Variants in CXCL13 observed in about 807,000 individuals in gnomAD.
The protein encoded by CXCL13 is C-X-C motif chemokine 13.
A neutral mutation model predicts 12.2 loss-of-function variants in CXCL13; 7 were observed. That is an observed-to-expected ratio of 0.57 (90% CI 0.33 to 1.07). The LOEUF (loss-of-function observed/expected upper bound fraction) is 1.07, where lower values mean the gene tolerates loss of function less well. Among genes scored for constraint, CXCL13 ranks in the 50% least tolerant of loss-of-function variants. The probability of loss-of-function intolerance (pLI) is 0.04; values close to 1 mark genes in which losing one functional copy is unlikely to be tolerated. For synonymous variants in CXCL13, 47 were observed against 42.4 expected, an observed-to-expected ratio of 1.11 and a Z score of -0.42; for missense variants, 113 against 127.4, an observed-to-expected ratio of 0.89 and a Z score of 0.55.
At chr4:77,534,869 C>A (rs952782501) in intron 1 of CXCL13, among the ~76,000 whole-genome samples, 2 of 152,186 alleles carry the variant, frequency 1.3e-5, no homozygotes, top group Non-Finnish European at 2.9e-5. Context: ...TTTGTGGAAC[C>A]TTTGTTTTGG....
At chr4:77,573,372 G>T (rs1385470659) in intron 1 of CXCL13, among the ~76,000 whole-genome samples, 6 of 128,788 alleles carry the variant, frequency 4.7e-5, no homozygotes, top group Admixed American at 7.3e-5. Flanking sequence ...TTGTGTGTGT[G>T]TGTGTGTGTG....
intron 1 of CXCL13, among the ~76,000 whole-genome samples, chr4:77,592,302 G>C (rs1726632342): frequency 6.6e-6 from 1 of 152,206 alleles, no homozygotes; most frequent in South Asian, 2.1e-4. Context: ...GATACACTTA[G>C]TTATGCTAAG....
intron 1 of CXCL13, among the ~76,000 whole-genome samples, chr4:77,539,307 A>C (rs948090271): frequency 1.3e-5 from 2 of 152,182 alleles, no homozygotes; most frequent in Non-Finnish European, 2.9e-5. Flanking sequence ...TTGTATTTTT[A>C]ATAGAGACAG....
chr4:77,536,584 C>T (rs191446758), intron 1 of CXCL13, among the ~76,000 whole-genome samples: 146 of 152,142 alleles, frequency 9.6e-4, no homozygotes, highest in African/African-American at 3.4e-3. Context: ...TTGTGGAGAT[C>T]AAATTAGTTA....
At chr4:77,519,363 C>T (rs909111087) in intron 1 of CXCL13, among the ~76,000 whole-genome samples, 2 of 152,214 alleles carry the variant, frequency 1.3e-5, no homozygotes, top group Non-Finnish European at 2.9e-5. Context: ...CTGCGTCACT[C>T]ACGCTGGGAG....
chr4:77,544,502 G>C (rs925894292), intron 1 of CXCL13, among the ~76,000 whole-genome samples: 1 of 152,204 alleles, frequency 6.6e-6, no homozygotes, highest in Non-Finnish European at 1.5e-5. Flanking sequence ...GACCAGTGAT[G>C]ATGAGCATTT....
chr4:77,573,964 T>C (rs1489027278), intron 1 of CXCL13, among the ~76,000 whole-genome samples: 1 of 151,952 alleles, frequency 6.6e-6, no homozygotes, highest in African/African-American at 2.4e-5. Context: ...GGTTAAGTCA[T>C]AACCTTAAGG....
intron 1 of CXCL13, among the ~76,000 whole-genome samples, chr4:77,521,656 A>T (rs902108728): frequency 2.0e-5 from 3 of 151,214 alleles, no homozygotes; most frequent in Non-Finnish European, 3.0e-5. Flanking sequence ...TTGATCTTTT[A>T]AAAAAAACAG....
At chr4:77,522,501 A>G (rs1015955068) in intron 1 of CXCL13, among the ~76,000 whole-genome samples, 2 of 99,818 alleles carry the variant, frequency 2.0e-5, no homozygotes, top group Non-Finnish European at 3.9e-5. Flanking sequence ...AGAGACTAGG[A>G]CTGCAACCCC....
intron 2 of CXCL13, among the ~76,000 whole-genome samples, chr4:77,609,668 T>A (rs1309640979): frequency 1.3e-5 from 2 of 152,316 alleles, no homozygotes; most frequent in East Asian, 3.9e-4. Context: ...TTGTTTGAGT[T>A]CACACCAATA....
chr4:77,592,742 A>G (rs1283287284), intron 1 of CXCL13, among the ~76,000 whole-genome samples: 1 of 152,212 alleles, frequency 6.6e-6, no homozygotes, highest in African/African-American at 2.4e-5. Flanking sequence ...GGGGCAATCC[A>G]GTGAAGACAT....
chr4:77,570,863 T>C (rs2109818540), intron 1 of CXCL13, among the ~76,000 whole-genome samples: 1 of 152,106 alleles, frequency 6.6e-6, no homozygotes, highest in Non-Finnish European at 1.5e-5. Flanking sequence ...CCACCGGTGC[T>C]GCGCTCGATT....
At chr4:77,606,321 A>T (rs1396123262) in intron 1 of CXCL13, among the ~76,000 whole-genome samples, 1 of 152,228 alleles carries the variant, frequency 6.6e-6, no homozygotes, top group African/African-American at 2.4e-5. Flanking sequence ...GGTCTCTTGC[A>T]GTGAACATGC....
intron 2 of CXCL13, among the ~76,000 whole-genome samples, chr4:77,609,300 GTTTTT>G (rs544006052): frequency 2.0e-4 from 30 of 146,592 alleles, no homozygotes; most frequent in African/African-American, 7.2e-4. Flanking sequence ...TGTGTTTTGG[GTTTTT>G]TTTTTGTTTT....
At chr4:77,524,263 G>C (rs1020572801) in intron 1 of CXCL13, among the ~76,000 whole-genome samples, 1 of 152,190 alleles carries the variant, frequency 6.6e-6, no homozygotes, top group Non-Finnish European at 1.5e-5. Flanking sequence ...TCTCTCTTCA[G>C]AGAAGGCAGA....
At chr4:77,596,545 G>A in intron 1 of CXCL13, among the ~76,000 whole-genome samples, 1 of 152,116 alleles carries the variant, frequency 6.6e-6, no homozygotes, top group East Asian at 1.9e-4. Flanking sequence ...AGCACTTTGG[G>A]AGACTGAGGT....
chr4:77,604,929 A>G (rs919875383), upstream of CXCL13, among the ~76,000 whole-genome samples: 2 of 152,184 alleles, frequency 1.3e-5, no homozygotes, highest in Non-Finnish European at 2.9e-5. Context: ...CAGACTAGCC[A>G]GTCTACATAC....
chr4:77,607,022 AG>A (rs1727015446), intron 1 of CXCL13, among the ~76,000 whole-genome samples: 2 of 152,218 alleles, frequency 1.3e-5, no homozygotes, highest in Non-Finnish European at 2.9e-5. Flanking sequence ...ACCCAGACAG[AG>A]GACCAACATA....
intron 1 of CXCL13, among the ~76,000 whole-genome samples, chr4:77,514,680 G>A (rs1395680777): frequency 1.3e-5 from 2 of 150,460 alleles, no homozygotes; most frequent in Non-Finnish European, 3.0e-5. Context: ...AAATTTGTTT[G>A]AGTTCATTGT....
Sources: gnomAD v4.1 joint callset for allele counts (sites outside exome capture counted in the v4.1 genomes callset) on GRCh38, gnomAD v4.1.1 for gene constraint, MANE v1.5 for transcripts, NCBI Gene and HGNC (gene_info 2026-07-23, HGNC 2026-07-21) for gene names.